OTUD5: variants seen among roughly 807,000 people sequenced by gnomAD.
OTUD5 encodes OTU deubiquitinase 5.
Under a neutral mutation model 36.3 loss-of-function variants are expected in OTUD5, and 2 were observed. The observed-to-expected ratio is 0.06, with a 90% CI of 0.02 to 0.17. OTUD5 has a LOEUF of 0.17. Among genes scored for constraint, OTUD5 ranks in the 10% least tolerant of loss-of-function variants. OTUD5 has a pLI of 1.00. For synonymous variants in OTUD5, 234 were observed against 214.9 expected (o/e 1.09, Z -0.78); for missense variants, 233 against 512.3 (o/e 0.45, Z 5.26).
At chrX:48,953,205 T>C (rs1184881531) in intron 1 of OTUD5, among the ~76,000 whole-genome samples, 1 of 111,614 alleles carries the variant, frequency 9.0e-6, no homozygotes, top group Middle Eastern at 4.6e-3. Flanking sequence ...TACACCACTA[T>C]CCAACAGGCC....
At chrX:48,933,790 C>G (rs144761657) in intron 5 of OTUD5, among the ~76,000 whole-genome samples, 2 of 111,613 alleles carry the variant, frequency 1.8e-5, no homozygotes, top group African/African-American at 6.5e-5. Flanking sequence ...AAAAAAGAAC[C>G]CTATGTTGGA....
chrX:48,926,865 C>T (rs1331263715), intron 5 of OTUD5, among the ~76,000 whole-genome samples: 1 of 111,170 alleles, frequency 9.0e-6, no homozygotes, highest in East Asian at 2.8e-4. Flanking sequence ...CTATGAGTTA[C>T]AGGACACTAC....
chrX:48,929,626 C>G (rs919900086), intron 5 of OTUD5, among the ~76,000 whole-genome samples: 16 of 108,134 alleles, frequency 1.5e-4, no homozygotes, highest in African/African-American at 4.7e-4. Flanking sequence ...GAGGCTGAGG[C>G]ACGAGAATTG....
At chrX:48,957,771 C>A, upstream of OTUD5, 1 of 793,351 alleles carries the variant, frequency 1.3e-6, no homozygotes, top group Non-Finnish European at 1.5e-6. Flanking sequence ...GCGGGTCACG[C>A]CGAGAGGAGA....
chrX:48,945,707 G>A (rs782251946), intron 1 of OTUD5, among the ~76,000 whole-genome samples: 3 of 111,057 alleles, frequency 2.7e-5, no homozygotes, highest in Non-Finnish European at 1.9e-5. Context: ...TGCTGCCTCA[G>A]ACCCTGCTGG....
At chrX:48,927,666 A>G (rs371741920) in intron 5 of OTUD5, among the ~76,000 whole-genome samples, 4 of 111,730 alleles carry the variant, frequency 3.6e-5, no homozygotes, top group African/African-American at 1.3e-4. Flanking sequence ...CCATGTATTC[A>G]GCTACCCAAA....
intron 1 of OTUD5, among the ~76,000 whole-genome samples, chrX:48,950,201 T>C (rs1401407209): frequency 9.1e-6 from 1 of 110,486 alleles, no homozygotes; most frequent in Non-Finnish European, 1.9e-5. Context: ...ACTTACATTA[T>C]TAAATCTGGA....
chrX:48,928,185 A>G (rs2063695632), intron 5 of OTUD5, among the ~76,000 whole-genome samples: 1 of 112,415 alleles, frequency 8.9e-6, no homozygotes, highest in Non-Finnish European at 1.9e-5. Flanking sequence ...CAAATAATAC[A>G]GCCACTTGGG....
chrX:48,924,254 C>T (rs1557047200), intron 6 of OTUD5, among the ~76,000 whole-genome samples: 1 of 111,422 alleles, frequency 9.0e-6, no homozygotes, highest in Non-Finnish European at 1.9e-5. Flanking sequence ...TCTCACACCC[C>T]TACAGCCAAT....
At chrX:48,940,771 G>A (rs1298878554) in intron 2 of OTUD5, 1 of 111,754 alleles carries the variant, frequency 8.9e-6, no homozygotes, top group African/African-American at 3.3e-5. Context: ...TACCTCTGAG[G>A]CTCAGGTTCC....
chrX:48,950,995 A>G (rs1184185891), intron 1 of OTUD5, among the ~76,000 whole-genome samples: 1 of 110,767 alleles, frequency 9.0e-6, no homozygotes, highest in Non-Finnish European at 1.9e-5. Flanking sequence ...ACAATATGGC[A>G]TGGATCCCGC....
intron 1 of OTUD5, among the ~76,000 whole-genome samples, chrX:48,952,186 G>C (rs2064159204): frequency 8.9e-6 from 1 of 112,680 alleles, no homozygotes; most frequent in Non-Finnish European, 1.9e-5. Context: ...ATTATGCTAA[G>C]TGAAAAAAGC....
intron 5 of OTUD5, among the ~76,000 whole-genome samples, chrX:48,930,426 G>T (rs1386161640): frequency 2.7e-5 from 3 of 112,018 alleles, no homozygotes; most frequent in African/African-American, 9.7e-5. Flanking sequence ...TGAAGCATGT[G>T]ATAATGGATC....
chrX:48,931,778 TAAA>T (rs782091153), intron 5 of OTUD5, among the ~76,000 whole-genome samples: 2 of 81,247 alleles, frequency 2.5e-5, no homozygotes, highest in East Asian at 3.6e-4. Context: ...AACTCTGCCT[TAAA>T]AAAAAAAAAA....
chrX:48,956,352 G>A lies in OTUD5; in HGVS notation c.594+625C>T, dbSNP rs376993882. On this transcript the variant is annotated intron_variant, in intron 1 of 8. Transcript: ENST00000376488. ...GTGTGTCAGGACCTTGATTCTAGAAGCAGGACTCTCAGGCCCCTGAAGACA... is the reference window on the plus strand; with the variant it reads ...GTGTGTCAGGACCTTGATTCTAGAAACAGGACTCTCAGGCCCCTGAAGACA... Among the ~76,000 whole-genome samples the A allele has an allele frequency of 4.6e-5, 5 of 109,678 alleles. No homozygotes were observed. The East Asian group carries it at 1.5e-3, about 32-fold the overall frequency.
At chrX:48,956,842 G>A (rs949046979) in intron 1 of OTUD5, 135 bp downstream of exon 1, 3 of 683,700 alleles carry the variant, frequency 4.4e-6, no homozygotes, top group Admixed American at 5.3e-5. Context: ...CATCCCTACC[G>A]CCAGAGAAGA....
At position 48,922,942 on chromosome X, in the gene OTUD5, T is replaced by G; in HGVS notation, c.*232A>C. On this transcript the variant is annotated 3_prime_UTR_variant, in exon 9 of 9. Coordinates refer to ENST00000376488, the MANE Select transcript of OTUD5 (RefSeq NM_001136157.2). The stretch of plus-strand genomic sequence containing the variant: ...AATGCAGGGATGGTTCTGTGCGGGA[T>G]GGGGTGGGGGGCAACAGGGCACATC... The G allele has an allele frequency of 1.2e-5, 12 of 1,026,287 alleles. No individual in the cohort carries two copies. In the East Asian group the frequency reaches 1.2e-4, roughly 10 times the overall value. The allele number at this position is 1,026,287 out of a possible 1,213,427, so 84.6% of individuals were successfully genotyped here. A position where few individuals can be genotyped will look rare whatever the true frequency, so the allele number is the denominator to read the frequency against.
intron 6 of OTUD5, among the ~76,000 whole-genome samples, chrX:48,924,337 C>G (rs1443797624): frequency 9.0e-6 from 1 of 111,647 alleles, no homozygotes; most frequent in Non-Finnish European, 1.9e-5. Flanking sequence ...AACTCCACTG[C>G]CAGCACTGGC....
chrX:48,942,232 T>TACACACACACACACAC (rs1484692862), intron 2 of OTUD5, among the ~76,000 whole-genome samples: 8 of 19,859 alleles, frequency 4.0e-4, no homozygotes, highest in African/African-American at 7.7e-4. Context: ...GCTAGCTAGA[T>TACACACACACACACAC]ACACACACAC....
Sources: gnomAD v4.1 joint callset for allele counts (sites outside exome capture counted in the v4.1 genomes callset) on GRCh38, gnomAD v4.1.1 for gene constraint, MANE v1.5 for transcripts, NCBI Gene and HGNC (gene_info 2026-07-23, HGNC 2026-07-21) for gene names.